HCRTR2: variants seen among roughly 807,000 people sequenced by gnomAD.
The protein encoded by HCRTR2 is orexin receptor type 2.
A neutral mutation model predicts 49.0 loss-of-function variants in HCRTR2; 22 were observed. The observed-to-expected ratio is 0.45, with a 90% CI of 0.32 to 0.64. The LOEUF (loss-of-function observed/expected upper bound fraction) is 0.64, where lower values mean the gene tolerates loss of function less well. Among genes scored for constraint, HCRTR2 ranks in the 30% least tolerant of loss-of-function variants. The pLI is 0.04. For missense variants in HCRTR2, 491 were observed against 559.4 expected (o/e 0.88, Z 1.23); for synonymous variants, 236 against 205.3 (o/e 1.15, Z -1.28).
At chr6:55,155,758 T>A (rs1300865277) in intron 1 of HCRTR2, among the ~76,000 whole-genome samples, 4 of 152,016 alleles carry the variant, frequency 2.6e-5, no homozygotes, top group Admixed American at 6.6e-5. Flanking sequence ...TCAGATTGAA[T>A]CATGTTTATT....
intron 1 of HCRTR2, among the ~76,000 whole-genome samples, chr6:55,204,706 C>T (rs1334026023): frequency 6.6e-6 from 1 of 152,086 alleles, no homozygotes; most frequent in East Asian, 1.9e-4. Flanking sequence ...CAAAGTTGTC[C>T]TAAGCAAGTG....
In HCRTR2 at chr6:55,263,823, G is replaced by A; in HGVS notation, c.762+1G>A. 1.3e-6 allele frequency: 2 copies of A among 1,557,002 alleles called. No individual in the cohort carries two copies. Among genetic ancestry groups the A allele is most frequent in the Non-Finnish European group, 1.8e-6 (2 of 1,128,692 alleles). ...ATTTCGCAAACTCTGGTGTCGACAG[G>A]TATATAGTTTCAAATATTTTGCGTG... On this transcript the variant is annotated splice_donor_variant, in intron 4 of 6. Coordinates refer to ENST00000370862, the MANE Select transcript of HCRTR2 (RefSeq NM_001384272.1). LOFTEE classifies it high-confidence loss of function.
At chr6:55,130,912 G>T (rs1430602474) in intron 1 of HCRTR2, among the ~76,000 whole-genome samples, 1 of 151,780 alleles carries the variant, frequency 6.6e-6, no homozygotes, top group Admixed American at 6.6e-5. Flanking sequence ...AATAAAGATT[G>T]CTTGAGATTC....
At chr6:55,151,269 G>A (rs185440038) in intron 1 of HCRTR2, among the ~76,000 whole-genome samples, 11 of 152,002 alleles carry the variant, frequency 7.2e-5, no homozygotes, top group Admixed American at 2.6e-4. Flanking sequence ...AATGCTGACC[G>A]ATACTATTTT....
intron 1 of HCRTR2, among the ~76,000 whole-genome samples, chr6:55,151,778 A>G (rs950826298): frequency 1.3e-5 from 2 of 151,874 alleles, no homozygotes; most frequent in Non-Finnish European, 2.9e-5. Context: ...CTATAGTCTT[A>G]CAAAATTTAT....
chr6:55,108,732 T>C (rs867807383), intron 1 of HCRTR2, among the ~76,000 whole-genome samples: 8 of 151,950 alleles, frequency 5.3e-5, no homozygotes, highest in African/African-American at 1.9e-4. Flanking sequence ...CCAGTGGAAT[T>C]GGGGAAAGGC....
Position 55,174,776 on chromosome 6 carries a change from C to T in HCRTR2, c.189C>T (p.Ile63=). 1 of 1,614,032 alleles carries T rather than the reference C, an allele frequency of 6.2e-7. No homozygotes were observed. Among genetic ancestry groups the T allele is most frequent in the East Asian group, 2.2e-5 (1 of 44,844 alleles). ...YEWVLIAGYI[I]VFVVALIGNV... is the part of the protein sequence containing the mutation. ...GGGTCCTGATCGCCGGGTACATCAT[C>T]GTGTTCGTCGTGGCTCTCATTGGGA... is the stretch of plus-strand genomic sequence containing the variant. Residue 63 remains isoleucine (I), a synonymous_variant, in exon 1 of 7, where the codon ATC becomes ATT. Coordinates refer to ENST00000370862, the MANE Select transcript of HCRTR2 (RefSeq NM_001384272.1).
rs2127268886 is a variant in HCRTR2 at position 55,174,587 on chromosome 6, G to C, written c.-1G>C. The C allele has an allele frequency of 6.2e-7, 1 of 1,613,252 alleles. No individual in the cohort carries two copies. Among genetic ancestry groups the C allele is most frequent in the Middle Eastern group, 1.7e-4 (1 of 6,060 alleles). On this transcript the variant is annotated 5_prime_UTR_variant, in exon 1 of 7. Coordinates refer to ENST00000370862, the MANE Select transcript of HCRTR2 (RefSeq NM_001384272.1). ...TGAGCGGAACCGGACTTGAGCCCGT[G>C]ATGTCCGGCACCAAATTGGAGGACT...
chr6:55,191,186 TTAAAG>T (rs1467207006), intron 1 of HCRTR2, among the ~76,000 whole-genome samples: 3 of 152,222 alleles, frequency 2.0e-5, no homozygotes, highest in South Asian at 2.1e-4. Flanking sequence ...TATATTAAAT[TTAAAG>T]TAGAGTTATT....
Position 55,277,618 on chromosome 6 carries a change from T to C in HCRTR2, c.983+18T>C, listed in dbSNP as rs767789908. The C allele has an allele frequency of 2.6e-6, 4 of 1,564,644 alleles. No individual in the cohort carries two copies. The highest frequency in any genetic ancestry group is 3.5e-6 in the Non-Finnish European group (4 of 1,135,272). On this transcript the variant is annotated intron_variant, in intron 5 of 6. Coordinates refer to ENST00000370862, the MANE Select transcript of HCRTR2 (RefSeq NM_001384272.1). ...CTAAAGAGGTAAAACTTATCTGTTA[T>C]TTGAAAATGAAATAGCCTGCCTTTT... is the stretch of plus-strand genomic sequence containing the variant.
intron 1 of HCRTR2, among the ~76,000 whole-genome samples, chr6:55,175,931 G>C (rs75302693): frequency 2.6e-5 from 4 of 152,322 alleles, no homozygotes; most frequent in Admixed American, 2.0e-4. Context: ...AATGACAGGA[G>C]ATGGAGGAGG....
At chr6:55,115,670 T>C (rs1218975908) in intron 1 of HCRTR2, among the ~76,000 whole-genome samples, 1 of 151,708 alleles carries the variant, frequency 6.6e-6, no homozygotes, top group Non-Finnish European at 1.5e-5. Context: ...CCATAATCTT[T>C]ATTAAGTCAA....
intron 1 of HCRTR2, among the ~76,000 whole-genome samples, chr6:55,186,308 T>A (rs1765215159): frequency 6.6e-6 from 1 of 152,204 alleles, no homozygotes; most frequent in Admixed American, 6.5e-5. Flanking sequence ...TTAAATTTCT[T>A]CTATATAAAT....
At chr6:55,150,893 C>T (rs554668830) in intron 1 of HCRTR2, among the ~76,000 whole-genome samples, 1 of 151,944 alleles carries the variant, frequency 6.6e-6, no homozygotes, top group Non-Finnish European at 1.5e-5. Context: ...TAGACAACTA[C>T]AATAAAGTGA....
At position 55,140,255 on chromosome 6, in the gene HCRTR2, T is replaced by TGAAAATATTAAGGCCTATA. The variant is rs879347661; in HGVS notation, c.-378+33728_-378+33746dup. On this transcript the variant is annotated intron_variant, in intron 1 of 7. Transcript: ENST00000615358. ...CCCAGCCTCCTTTTTTCCATTATAT[T>TGAAAATATTAAGGCCTATA]GAAAATATTAAGGCCTATAGAAAAT... Among the ~76,000 whole-genome samples, 572 of 152,282 alleles carry TGAAAATATTAAGGCCTATA rather than the reference T, an allele frequency of 3.8e-3. 3 individuals are homozygous for TGAAAATATTAAGGCCTATA. Among genetic ancestry groups the TGAAAATATTAAGGCCTATA allele is most frequent in the Middle Eastern group, 0.017 (5 of 294 alleles).
chr6:55,108,067 T>A (rs1453139707), intron 1 of HCRTR2, among the ~76,000 whole-genome samples: 1 of 152,144 alleles, frequency 6.6e-6, no homozygotes, highest in Non-Finnish European at 1.5e-5. Context: ...AAATTCATGA[T>A]GATAAGAGGT....
chr6:55,174,163 A>C (rs370564846), upstream of HCRTR2: 895 of 207,610 alleles, frequency 4.3e-3, 7 homozygotes, highest in African/African-American at 0.019. Flanking sequence ...CCCACCCCCC[A>C]AAAAAACAGA....
chr6:55,233,811 A>T lies in HCRTR2; in HGVS notation c.224-14828A>T, dbSNP rs370025881. The stretch of plus-strand genomic sequence containing the variant: ...AATTATTGAAACTATATTCAAAAAT[A>T]GGAAGTAAAACATGATTTAATATTA... On this transcript the variant is annotated intron_variant, in intron 1 of 6. Coordinates refer to ENST00000370862, the MANE Select transcript of HCRTR2 (RefSeq NM_001384272.1). Among the ~76,000 whole-genome samples, 6 of 152,242 alleles carry T rather than the reference A, an allele frequency of 3.9e-5. No individual in the cohort carries two copies. The East Asian group carries it at 9.6e-4, about 24-fold the overall frequency.
intron 1 of HCRTR2, among the ~76,000 whole-genome samples, chr6:55,145,216 T>G (rs1198466463): frequency 6.6e-6 from 1 of 152,176 alleles, no homozygotes; most frequent in Non-Finnish European, 1.5e-5. Context: ...GGTCTTAGTT[T>G]TCTTTTCTCA....
Sources: gnomAD v4.1 joint callset for allele counts (sites outside exome capture counted in the v4.1 genomes callset) on GRCh38, gnomAD v4.1.1 for gene constraint, MANE v1.5 for transcripts, NCBI Gene and HGNC (gene_info 2026-07-23, HGNC 2026-07-21) for gene names.